MTHFD2L: variants seen among roughly 807,000 people sequenced by gnomAD.
The protein encoded by MTHFD2L is bifunctional methylenetetrahydrofolate dehydrogenase/cyclohydrolase 2, mitochondrial.
MTHFD2L carries 29 observed loss-of-function variants against 34.9 expected under a neutral mutation model. The observed-to-expected ratio is 0.83, with a 90% CI of 0.62 to 1.13. The LOEUF is 1.13. Among genes scored for constraint, MTHFD2L ranks in the 50% most tolerant of loss-of-function variants. MTHFD2L has a pLI of 0.00. For synonymous variants in MTHFD2L, 167 were observed against 155.7 expected (o/e 1.07, Z -0.54); for missense variants, 481 against 446.5 (o/e 1.08, Z -0.70).
chr4:74,206,262 G>A (rs1163758331), intron 5 of MTHFD2L, among the ~76,000 whole-genome samples: 2 of 152,156 alleles, frequency 1.3e-5, no homozygotes, highest in Non-Finnish European at 2.9e-5. Context: ...TAAGAATTGG[G>A]TGGAGTAAAT....
intron 6 of MTHFD2L, among the ~76,000 whole-genome samples, chr4:74,245,194 CAAAAAAAAAAAA>C (rs57639523): frequency 7.5e-5 from 5 of 66,360 alleles, no homozygotes; most frequent in Admixed American, 2.5e-4. Context: ...GACTCAGTCT[CAAAAAAAAAAAA>C]AAAAAAAAAA....
intron 7 of MTHFD2L, among the ~76,000 whole-genome samples, chr4:74,291,015 T>C (rs1163282613): frequency 1.2e-5 from 1 of 84,636 alleles, no homozygotes; most frequent in Non-Finnish European, 2.4e-5. Context: ...TTTTTTTTTT[T>C]TTTTTTTTTT....
intron 6 of MTHFD2L, among the ~76,000 whole-genome samples, chr4:74,228,789 T>C (rs1739570461): frequency 6.6e-6 from 1 of 152,126 alleles, no homozygotes; most frequent in African/African-American, 2.4e-5. Flanking sequence ...CTCAAGCCTA[T>C]ATAAAATAAA....
rs1031032253 is a variant in MTHFD2L, at chr4:74,220,171, A to T, written c.713-5131A>T. 4.6e-5 allele frequency among the ~76,000 whole-genome samples: 7 copies of T among 151,866 alleles called. No individual in the cohort carries two copies. The East Asian group carries it at 1.4e-3, about 29-fold the overall frequency. On this transcript the variant is annotated intron_variant, in intron 5 of 7. Coordinates refer to ENST00000325278, the MANE Select transcript of MTHFD2L (RefSeq NM_001144978.3). ...TGAGTGGGTTGTTAAGGTATTAAGG[A>T]ACATTTTCAAATGTAGGAGGCCAGG...
chr4:74,281,742 A>G (rs997973630), intron 7 of MTHFD2L, among the ~76,000 whole-genome samples, 192 bp downstream of exon 7: 4 of 151,864 alleles, frequency 2.6e-5, no homozygotes, highest in African/African-American at 9.7e-5. Context: ...CCTCCCTTTC[A>G]TCCTTCCTTT....
chr4:74,298,819 C>CTTT (rs1299698607), intron 7 of MTHFD2L, among the ~76,000 whole-genome samples: 2 of 151,988 alleles, frequency 1.3e-5, no homozygotes, highest in African/African-American at 4.8e-5. Context: ...TTGGACTTTT[C>CTTT]TACTCGTTTA....
intron 3 of MTHFD2L, chr4:74,183,853 A>G (rs1162465786): frequency 2.6e-5 from 4 of 152,088 alleles, no homozygotes; most frequent in African/African-American, 7.2e-5. Context: ...AAGATAATTA[A>G]TGTTTAACCA....
chr4:74,274,043 G>A (rs1169966139), intron 6 of MTHFD2L, among the ~76,000 whole-genome samples: 2 of 151,818 alleles, frequency 1.3e-5, no homozygotes, highest in African/African-American at 4.8e-5. Flanking sequence ...GTAGAGATGG[G>A]GTTTCACCAT....
chr4:74,272,283 T>A (rs1746095895), intron 6 of MTHFD2L, among the ~76,000 whole-genome samples: 1 of 152,112 alleles, frequency 6.6e-6, no homozygotes, highest in Non-Finnish European at 1.5e-5. Flanking sequence ...TAAGGAATGT[T>A]TAGGAGTTAT....
intron 3 of MTHFD2L, among the ~76,000 whole-genome samples, chr4:74,196,764 G>C (rs1343902888): frequency 6.6e-6 from 1 of 151,964 alleles, no homozygotes; most frequent in Admixed American, 6.6e-5. Flanking sequence ...TGGCCAATAT[G>C]GTGAAACCCC....
chr4:74,133,067 G>A (rs1393383287), intron 1 of MTHFD2L, among the ~76,000 whole-genome samples: 1 of 152,122 alleles, frequency 6.6e-6, no homozygotes, highest in Non-Finnish European at 1.5e-5. Context: ...AGCATTTCTT[G>A]CAAGACGGGT....
chr4:74,129,185 A>G (rs1388070274), intron 1 of MTHFD2L, among the ~76,000 whole-genome samples: 1 of 151,840 alleles, frequency 6.6e-6, no homozygotes, highest in East Asian at 1.9e-4. Context: ...AGAAAACTAA[A>G]AAACAAAACT....
At chr4:74,116,686 C>T (rs1374421191) in intron 2 of MTHFD2L, among the ~76,000 whole-genome samples, 1 of 152,150 alleles carries the variant, frequency 6.6e-6, no homozygotes, top group African/African-American at 2.4e-5. Flanking sequence ...TTTAGGTTAG[C>T]AACTGTGACC....
At chr4:74,258,523 C>A (rs1350638799) in intron 6 of MTHFD2L, among the ~76,000 whole-genome samples, 1 of 151,870 alleles carries the variant, frequency 6.6e-6, no homozygotes, top group Admixed American at 6.6e-5. Flanking sequence ...GATGTGAAAC[C>A]AACAAGGGCT....
intron 6 of MTHFD2L, among the ~76,000 whole-genome samples, chr4:74,240,245 A>G (rs1032905349): frequency 2.6e-5 from 4 of 152,236 alleles, no homozygotes; most frequent in African/African-American, 2.4e-5. Flanking sequence ...GATAGTAAAC[A>G]TAAGTAAATT....
intron 1 of MTHFD2L, among the ~76,000 whole-genome samples, chr4:74,146,847 TTCC>T: frequency 6.6e-6 from 1 of 152,116 alleles, no homozygotes; most frequent in African/African-American, 2.4e-5. Flanking sequence ...TATTTTCTTT[TTCC>T]TCCTCTGACT....
intron 7 of MTHFD2L, among the ~76,000 whole-genome samples, chr4:74,282,732 A>T (rs1747663046): frequency 6.6e-6 from 1 of 152,168 alleles, no homozygotes; most frequent in Non-Finnish European, 1.5e-5. Context: ...GTACCGTACC[A>T]AAGAAAACAC....
At chr4:74,170,085 T>A (rs1039412171) in intron 1 of MTHFD2L, among the ~76,000 whole-genome samples, 2 of 152,190 alleles carry the variant, frequency 1.3e-5, no homozygotes, top group Non-Finnish European at 2.9e-5. Flanking sequence ...CTTTACACAC[T>A]CTTCCGGAAA....
chr4:74,223,858 A>T (rs1738667300), intron 5 of MTHFD2L, among the ~76,000 whole-genome samples: 1 of 152,050 alleles, frequency 6.6e-6, no homozygotes, highest in African/African-American at 2.4e-5. Context: ...AGTTTCATTA[A>T]TTTAGACAAA....
Sources: allele counts gnomAD v4.1 joint callset (sites outside exome capture counted in the v4.1 genomes callset), GRCh38; gene constraint gnomAD v4.1.1; transcripts MANE v1.5; gene names NCBI Gene and HGNC (gene_info 2026-07-23, HGNC 2026-07-21).